Variants in THSD7A observed in about 807,000 individuals in gnomAD.
The protein encoded by THSD7A is thrombospondin type-1 domain-containing protein 7A.
THSD7A carries 96 observed loss-of-function variants against 231.3 expected under a neutral mutation model. That is an observed-to-expected ratio of 0.41 (90% CI 0.35 to 0.49). The LOEUF is 0.49. THSD7A is among the 20% of genes least tolerant of loss of function. The probability of loss-of-function intolerance (pLI) is 0.05; values close to 1 mark genes in which losing one functional copy is unlikely to be tolerated. For missense variants in THSD7A, 2,290 were observed against 2,070.2 expected (o/e 1.11, Z -2.06); for synonymous variants, 940 against 743.3 (o/e 1.26, Z -4.30).
At chr7:11,689,928 G>A (rs576957658) in intron 1 of THSD7A, among the ~76,000 whole-genome samples, 2 of 151,580 alleles carry the variant, frequency 1.3e-5, no homozygotes, top group Admixed American at 1.3e-4. Context: ...GTTACTACAA[G>A]GCTGCCAAAT....
At chr7:11,649,278 T>C (rs919656197) in intron 1 of THSD7A, among the ~76,000 whole-genome samples, 7 of 151,962 alleles carry the variant, frequency 4.6e-5, no homozygotes, top group Admixed American at 2.6e-4. Context: ...AGTTAATTCT[T>C]AAGAGGACTG....
intron 6 of THSD7A, among the ~76,000 whole-genome samples, chr7:11,485,104 T>A (rs1052868094): frequency 6.6e-6 from 1 of 151,834 alleles, no homozygotes; most frequent in Non-Finnish European, 1.5e-5. Flanking sequence ...CTGGCCAGGC[T>A]GGTCTCGAAC....
At chr7:11,737,162 A>G (rs1341805899) in intron 1 of THSD7A, among the ~76,000 whole-genome samples, 1 of 152,050 alleles carries the variant, frequency 6.6e-6, no homozygotes, top group African/African-American at 2.4e-5. Flanking sequence ...ACAAATGAAT[A>G]CAGCACTTTA....
At chr7:11,768,608 C>T (rs1466665405) in intron 1 of THSD7A, among the ~76,000 whole-genome samples, 15 of 152,108 alleles carry the variant, frequency 9.9e-5, no homozygotes, top group Admixed American at 9.8e-4. Flanking sequence ...TGATTGTGAA[C>T]TCAGGGATAG....
chr7:11,606,253 T>C (rs554624781), intron 2 of THSD7A, among the ~76,000 whole-genome samples: 3 of 152,274 alleles, frequency 2.0e-5, no homozygotes, highest in East Asian at 3.9e-4. Flanking sequence ...TTGAGTGGCA[T>C]GTGGCATGAG....
intron 2 of THSD7A, among the ~76,000 whole-genome samples, chr7:11,593,904 G>A (rs565490688): frequency 6.6e-6 from 1 of 152,112 alleles, no homozygotes; most frequent in Non-Finnish European, 1.5e-5. Flanking sequence ...AAGTGTGATG[G>A]TTAATACTGA....
rs998761922 is a variant in THSD7A at position 11,375,839 on chromosome 7, T to C, written c.4929A>G (p.Arg1643=). 6.2e-7 allele frequency: 1 copy of C among 1,612,926 alleles called. No homozygotes were observed. The highest frequency in any genetic ancestry group is 8.5e-7 in the Non-Finnish European group (1 of 1,179,132). The change falls in exon 28 of 28, where the codon CGA becomes CGG. Residue 1643 remains arginine, a synonymous_variant. Transcript: ENST00000423059. Reference sequence around the variant, plus strand: ...CATAGGCTAAGGTTAAAGGTTTCAGTCGGTTGTTTTGCCTTCTTTGGGGTT... The same window carrying C: ...CATAGGCTAAGGTTAAAGGTTTCAGCCGGTTGTTTTGCCTTCTTTGGGGTT... ...PKKPQRRQNN[R]LKPLTLAYDG...
intron 1 of THSD7A, among the ~76,000 whole-genome samples, chr7:11,675,731 C>T (rs1783614850): frequency 6.6e-6 from 1 of 152,204 alleles, no homozygotes; most frequent in African/African-American, 2.4e-5. Context: ...TCTCTCTGGG[C>T]AGGGCATCTC....
intron 23 of THSD7A, chr7:11,385,316 C>G (rs573060631): frequency 6.6e-5 from 10 of 152,160 alleles, no homozygotes; most frequent in African/African-American, 2.4e-4. Flanking sequence ...ACCTCCTTCA[C>G]TAGGTTGAAA....
chr7:11,822,517 T>C (rs1363939594), intron 1 of THSD7A, among the ~76,000 whole-genome samples: 1 of 152,124 alleles, frequency 6.6e-6, no homozygotes, highest in East Asian at 1.9e-4. Flanking sequence ...AAGATGAGTA[T>C]AGGTGTCTTT....
At chr7:11,767,412 A>C (rs1231962792) in intron 1 of THSD7A, among the ~76,000 whole-genome samples, 1 of 152,178 alleles carries the variant, frequency 6.6e-6, no homozygotes, top group Non-Finnish European at 1.5e-5. Context: ...CATACCAAGC[A>C]TGTGTCTGCA....
At chr7:11,507,101 C>T (rs1431585023) in intron 6 of THSD7A, among the ~76,000 whole-genome samples, 1 of 152,038 alleles carries the variant, frequency 6.6e-6, no homozygotes, top group Non-Finnish European at 1.5e-5. Context: ...AGCATGATAC[C>T]TAAAGACATT....
chr7:11,603,837 A>C (rs1304354111), intron 2 of THSD7A, among the ~76,000 whole-genome samples: 1 of 139,158 alleles, frequency 7.2e-6, no homozygotes, highest in African/African-American at 2.7e-5. Flanking sequence ...ACGAGATCAC[A>C]TGGACACAGG....
chr7:11,428,800 A>G (rs1784396497), intron 14 of THSD7A, 147 bp downstream of exon 14: 1 of 823,672 alleles, frequency 1.2e-6, no homozygotes, highest in Non-Finnish European at 1.9e-6. Flanking sequence ...TTTTAATAAC[A>G]TGTATGTATT....
intron 23 of THSD7A, chr7:11,385,272 T>A (rs1782684484): frequency 6.6e-6 from 1 of 152,110 alleles, no homozygotes; most frequent in Non-Finnish European, 1.5e-5. Context: ...TTTTTCATTT[T>A]CAATTCTTAA....
chr7:11,565,687 T>A (rs922696138), intron 4 of THSD7A, among the ~76,000 whole-genome samples: 1 of 152,216 alleles, frequency 6.6e-6, no homozygotes, highest in African/African-American at 2.4e-5. Context: ...GGCTCTTGGT[T>A]GTCATCACAT....
chr7:11,477,677 C>T (rs2128303501), intron 7 of THSD7A, among the ~76,000 whole-genome samples: 1 of 152,218 alleles, frequency 6.6e-6, no homozygotes, highest in Non-Finnish European at 1.5e-5. Context: ...TGACAATTCT[C>T]TTTACTTTCT....
chr7:11,577,441 T>C (rs1176203171), intron 4 of THSD7A, among the ~76,000 whole-genome samples: 1 of 152,032 alleles, frequency 6.6e-6, no homozygotes, highest in Non-Finnish European at 1.5e-5. Context: ...CTCAGTCTCC[T>C]GAGTATCTGG....
chr7:11,831,046 G>T lies in THSD7A; in HGVS notation c.190+711C>A, dbSNP rs1373623480. Among the ~76,000 whole-genome samples, 2 of 152,090 alleles carry T rather than the reference G, an allele frequency of 1.3e-5. No individual in the cohort carries two copies. Among genetic ancestry groups the T allele is most frequent in the Admixed American group, 6.5e-5 (1 of 15,270 alleles). ...TGTTTTCCTGCCTGTCACGGCCCCC[G>T]CCAGAAACTCCAAGCATTTTGCCAA... is the stretch of plus-strand genomic sequence containing the variant. On this transcript the variant is annotated intron_variant, in intron 1 of 27. Coordinates refer to ENST00000423059, the MANE Select transcript of THSD7A (RefSeq NM_015204.3). This position sits in a 1 kb window ranked among gnomAD's most constrained non-coding sequence, Gnocchi z 5.0.
Sources: allele counts gnomAD v4.1 joint callset (sites outside exome capture counted in the v4.1 genomes callset), GRCh38; gene constraint gnomAD v4.1.1; non-coding constraint Gnocchi (gnomAD v3.1); transcripts MANE v1.5; gene names NCBI Gene and HGNC (gene_info 2026-07-23, HGNC 2026-07-21).